CTTNBP2: variants seen among roughly 807,000 people sequenced by gnomAD.
CTTNBP2 encodes cortactin binding protein 2, also known as cortactin-binding protein 2.
Under a neutral mutation model 156.9 loss-of-function variants are expected in CTTNBP2, and 108 were observed. The observed-to-expected ratio is 0.69, with a 90% confidence interval of 0.59 to 0.81. The LOEUF (loss-of-function observed/expected upper bound fraction) is 0.81, where lower values mean the gene tolerates loss of function less well. Ranked by LOEUF, CTTNBP2 falls within the 30% of genes least tolerant of loss-of-function variation. The pLI, the probability that CTTNBP2 is intolerant of heterozygous loss-of-function variation, is 0.00. For synonymous variants in CTTNBP2, 767 were observed against 751.8 expected, an observed-to-expected ratio of 1.02 and a Z score of -0.33; for missense variants, 1,924 against 2,035.4, an observed-to-expected ratio of 0.95 and a Z score of 1.05.
intron 22 of CTTNBP2, among the ~76,000 whole-genome samples, chr7:117,712,780 G>A (rs887843392): frequency 1.3e-5 from 2 of 152,150 alleles, no homozygotes; most frequent in African/African-American, 4.8e-5. Flanking sequence ...CCTATTACCA[G>A]AGATTCATAT....
At chr7:117,819,359 T>TCC (rs1554438261) in intron 2 of CTTNBP2, among the ~76,000 whole-genome samples, 3 of 122,176 alleles carry the variant, frequency 2.5e-5, no homozygotes, top group East Asian at 4.8e-4. Flanking sequence ...TTTCTCCTTC[T>TCC]CTCTCTCTCA....
intron 2 of CTTNBP2, among the ~76,000 whole-genome samples, chr7:117,858,333 G>A (rs1563072834): frequency 6.6e-6 from 1 of 152,166 alleles, no homozygotes; most frequent in Non-Finnish European, 1.5e-5. Context: ...TCGCACCACT[G>A]CACTCCAGCC....
intron 2 of CTTNBP2, among the ~76,000 whole-genome samples, chr7:117,848,110 C>A (rs1352993063): frequency 1.3e-5 from 2 of 152,038 alleles, no homozygotes; most frequent in African/African-American, 4.8e-5. Context: ...AGCCACCACG[C>A]CTGGCCTGCC....
intron 3 of CTTNBP2, among the ~76,000 whole-genome samples, chr7:117,799,671 G>C (rs1799509698): frequency 6.6e-6 from 1 of 151,946 alleles, no homozygotes; most frequent in Non-Finnish European, 1.5e-5. Context: ...GCAGTGGTGG[G>C]GAAGAAGAAA....
At chr7:117,733,756 A>G (rs1308579595) in intron 16 of CTTNBP2, among the ~76,000 whole-genome samples, 2 of 152,114 alleles carry the variant, frequency 1.3e-5, no homozygotes, top group Non-Finnish European at 2.9e-5. Context: ...CCCAAAAGCC[A>G]TTCTCACCCC....
intron 2 of CTTNBP2, among the ~76,000 whole-genome samples, chr7:117,846,012 G>A (rs551752781): frequency 2.7e-4 from 41 of 149,870 alleles, no homozygotes; most frequent in Admixed American, 5.3e-4. Context: ...CACCACGCCC[G>A]GCTAATTTTT....
At chr7:117,817,460 T>C (rs1381577721) in intron 2 of CTTNBP2, among the ~76,000 whole-genome samples, 1 of 146,990 alleles carries the variant, frequency 6.8e-6, no homozygotes, top group East Asian at 2.0e-4. Flanking sequence ...AAGTTGACCA[T>C]TATTACCAGA....
rs368569652 is a variant in CTTNBP2 at position 117,849,753 on chromosome 7, C to T, written c.189+11456G>A. Among the ~76,000 whole-genome samples the T allele has an allele frequency of 5.6e-4, 85 of 152,242 alleles. 1 individual carries two copies. In the Middle Eastern group the frequency reaches 0.027, roughly 49 times the overall value. ...AAGAATGCCACCTCTTCCCAGAAGC[C>T]GTCCATAATTCATCTTCATTAGAAC... On this transcript the variant is annotated intron_variant, in intron 2 of 22. Transcript: ENST00000160373.
rs190845486 is a variant in CTTNBP2 at position 117,854,034 on chromosome 7, G to C, written c.189+7175C>G. ...AGTTGATTATTTCAGTGTTTGTCCT[G>C]CTGGAACAAATACAATGCTACTTAA... On this transcript the variant is annotated intron_variant, in intron 2 of 22. Transcript: ENST00000160373. Among the ~76,000 whole-genome samples, 148 of 152,252 alleles carry C rather than the reference G, an allele frequency of 9.7e-4. 2 individuals carry two copies. The highest frequency in any genetic ancestry group is 2.1e-3 in the South Asian group (10 of 4,818).
At chr7:117,865,722 T>A (rs1422402130) in intron 1 of CTTNBP2, among the ~76,000 whole-genome samples, 1 of 149,076 alleles carries the variant, frequency 6.7e-6, no homozygotes, top group Non-Finnish European at 1.5e-5. Flanking sequence ...AGATTTCAAT[T>A]CCACAGGCCA....
intron 2 of CTTNBP2, among the ~76,000 whole-genome samples, chr7:117,835,033 C>T (rs1457904112): frequency 6.6e-6 from 1 of 152,176 alleles, no homozygotes; most frequent in African/African-American, 2.4e-5. Flanking sequence ...CAGATAATTG[C>T]CAGCGTCAAT....
intron 14 of CTTNBP2, among the ~76,000 whole-genome samples, chr7:117,737,398 G>A (rs1795763651): frequency 6.6e-6 from 1 of 152,292 alleles, no homozygotes; most frequent in South Asian, 2.1e-4. Context: ...TTTGTGTTAA[G>A]TGCATCGCCA....
intron 12 of CTTNBP2, among the ~76,000 whole-genome samples, chr7:117,748,014 T>C (rs1226251006): frequency 6.6e-6 from 1 of 151,498 alleles, no homozygotes; most frequent in Non-Finnish European, 1.5e-5. Flanking sequence ...ACTGTTCAAT[T>C]ATTAGTACAC....
intron 2 of CTTNBP2, among the ~76,000 whole-genome samples, chr7:117,827,555 A>G (rs951888553): frequency 6.6e-6 from 1 of 152,254 alleles, no homozygotes; most frequent in African/African-American, 2.4e-5. Context: ...ACAAGCAAGC[A>G]AGTGAAAACC....
At chr7:117,823,951 CTT>C (rs34011318) in intron 2 of CTTNBP2, among the ~76,000 whole-genome samples, 1 of 143,414 alleles carries the variant, frequency 7.0e-6, no homozygotes. Context: ...TCTTTCAGGT[CTT>C]TTTTTTTTTT....
intron 2 of CTTNBP2, 119 bp from the exon 3 acceptor site, chr7:117,811,108 C>T: frequency 1.4e-6 from 1 of 737,906 alleles, no homozygotes; most frequent in Non-Finnish European, 2.2e-6. Flanking sequence ...TGAGTAATGG[C>T]TTATGATGTC....
At chr7:117,742,996 T>C (rs1172837958) in intron 14 of CTTNBP2, among the ~76,000 whole-genome samples, 2 of 152,166 alleles carry the variant, frequency 1.3e-5, no homozygotes, top group Non-Finnish European at 2.9e-5. Flanking sequence ...TGTGGCTTGT[T>C]GTTACTTGGG....
At chr7:117,724,476 T>A in intron 19 of CTTNBP2, 71 bp downstream of exon 19, 10 of 1,255,536 alleles carry the variant, frequency 8.0e-6, no homozygotes, top group African/African-American at 1.5e-5. Context: ...AATGAAAGCA[T>A]ATTTGCTTTC....
At position 117,765,718 on chromosome 7, in the gene CTTNBP2, C is replaced by T. The variant is rs75203295; in HGVS notation, c.2896+1341G>A. On this transcript the variant is annotated intron_variant, in intron 9 of 22. Transcript: ENST00000160373. ...CTCCACCCTGGTCCAACTGAGGACACATCATTAAAACTTTTTGATGCTTGA... is the reference window on the plus strand; with the variant it reads ...CTCCACCCTGGTCCAACTGAGGACATATCATTAAAACTTTTTGATGCTTGA... Among the ~76,000 whole-genome samples the T allele has an allele frequency of 7.3e-3, 1,116 of 152,262 alleles. 17 individuals are homozygous for T. Among genetic ancestry groups the T allele is most frequent in the African/African-American group, 0.026 (1,061 of 41,544 alleles).
Sources: allele counts gnomAD v4.1 joint callset (sites outside exome capture counted in the v4.1 genomes callset), GRCh38; gene constraint gnomAD v4.1.1; transcripts MANE v1.5; gene names NCBI Gene and HGNC (gene_info 2026-07-23, HGNC 2026-07-21).